ABCE1: variants seen among roughly 807,000 people sequenced by gnomAD.
ABCE1 encodes ATP binding cassette subfamily E member 1.
Under a neutral mutation model 83.4 loss-of-function variants are expected in ABCE1, and 22 were observed. The observed-to-expected ratio is 0.26, with a 90% confidence interval of 0.19 to 0.38. The LOEUF (loss-of-function observed/expected upper bound fraction) is 0.38. ABCE1 is among the 10% of genes least tolerant of loss of function. ABCE1 has a pLI of 1.00. For synonymous variants in ABCE1, 204 were observed against 233.7 expected (o/e 0.87, Z 1.16); for missense variants, 330 against 721.9 (o/e 0.46, Z 6.22).
At chr4:145,119,475 T>C (rs757902532) in intron 10 of ABCE1, among the ~76,000 whole-genome samples, 2 of 151,970 alleles carry the variant, frequency 1.3e-5, no homozygotes, top group Non-Finnish European at 2.9e-5. Flanking sequence ...GATTAATTTT[T>C]TTAAAGCAAT....
chr4:145,110,368 G>T lies in ABCE1; in HGVS notation c.544-7G>T. 1 of 1,612,026 alleles carries T rather than the reference G, an allele frequency of 6.2e-7. No homozygotes were observed. The highest frequency in any genetic ancestry group is 8.5e-7 in the Non-Finnish European group (1 of 1,179,554). On this transcript the variant is annotated splice_polypyrimidine_tract_variant and splice_region_variant and intron_variant, in intron 6 of 17. Transcript: ENST00000296577. ...AAATAGTAACTGTTTTTGGTATATT[G>T]TGGCAGGGGACAGTGGGATCTATTT...
At chr4:145,121,452 C>T in intron 13 of ABCE1, 61 bp downstream of exon 13, 2 of 1,228,082 alleles carry the variant, frequency 1.6e-6, no homozygotes, top group Non-Finnish European at 2.3e-6. Flanking sequence ...CTATAGCTTT[C>T]ATCTTTTACT....
intron 8 of ABCE1, 122 bp from the exon 9 acceptor site, chr4:145,112,116 AT>A (rs1187848135): frequency 1.6e-6 from 1 of 636,206 alleles, no homozygotes; most frequent in Admixed American, 3.3e-5. Flanking sequence ...CTTCATTACT[AT>A]TGGAGATTTG....
chr4:145,117,019 T>A (rs571481724), intron 9 of ABCE1, among the ~76,000 whole-genome samples: 1 of 152,052 alleles, frequency 6.6e-6, no homozygotes, highest in East Asian at 1.9e-4. Context: ...TATAATTACT[T>A]TGTAACACTT....
intron 1 of ABCE1, among the ~76,000 whole-genome samples, chr4:145,104,162 T>G (rs1443326537): frequency 1.3e-5 from 2 of 152,136 alleles, no homozygotes; most frequent in Non-Finnish European, 2.9e-5. Flanking sequence ...TTTCTTTCCT[T>G]ATATAAATCT....
intron 1 of ABCE1, among the ~76,000 whole-genome samples, chr4:145,103,010 AAG>A (rs1373177343): frequency 2.0e-5 from 3 of 152,138 alleles, no homozygotes; most frequent in African/African-American, 7.2e-5. Context: ...GGAGTTGTAA[AAG>A]AGTGTGTGAA....
chr4:145,102,695 G>C (rs763373859), intron 1 of ABCE1, among the ~76,000 whole-genome samples: 1 of 152,124 alleles, frequency 6.6e-6, no homozygotes, highest in Non-Finnish European at 1.5e-5. Flanking sequence ...ACCAAGAGCT[G>C]AGGGACAGTG....
At position 145,128,313 on chromosome 4, in the gene ABCE1, A is replaced by G. The variant is rs1282712946; in HGVS notation, c.*740A>G. 1 of 152,572 alleles carries G rather than the reference A, an allele frequency of 6.6e-6. No homozygotes were observed. The highest frequency in any genetic ancestry group is 1.5e-5 in the Non-Finnish European group (1 of 68,020). 9.5% of individuals were successfully genotyped at this position (152,572 alleles called of 1,614,324 possible). Reference sequence around the variant, plus strand: ...TCTAGGTAATGTCATTTTTGTACACATATATTTATATAATCACTGATTGAG... The same window carrying G: ...TCTAGGTAATGTCATTTTTGTACACGTATATTTATATAATCACTGATTGAG... On this transcript the variant is annotated 3_prime_UTR_variant, in exon 18 of 18. Coordinates refer to ENST00000296577, the MANE Select transcript of ABCE1 (RefSeq NM_002940.3).
At chr4:145,105,044 GCATAGAATTACTGACT>G (rs769596216) in intron 2 of ABCE1, among the ~76,000 whole-genome samples, 8 of 151,982 alleles carry the variant, frequency 5.3e-5, no homozygotes, top group Non-Finnish European at 1.0e-4. Flanking sequence ...TACGAATGAG[GCATAGAATTACTGACT>G]CTTAGAATTA....
chr4:145,110,543 T>C, intron 7 of ABCE1, 99 bp downstream of exon 7: 4 of 1,145,282 alleles, frequency 3.5e-6, no homozygotes, highest in African/African-American at 1.6e-5. Context: ...TGATGCAACC[T>C]CTGCTTACCA....
chr4:145,111,402 C>A (rs989969438), intron 8 of ABCE1, among the ~76,000 whole-genome samples: 1 of 152,224 alleles, frequency 6.6e-6, no homozygotes, highest in Non-Finnish European at 1.5e-5. Flanking sequence ...TGGCTCACTA[C>A]AAGCTCCACC....
At chr4:145,124,743 G>C (rs1024625137) in intron 16 of ABCE1, among the ~76,000 whole-genome samples, 2 of 151,974 alleles carry the variant, frequency 1.3e-5, no homozygotes, top group Non-Finnish European at 2.9e-5. Context: ...TCTTTCACCA[G>C]ATTAGAAATC....
intron 6 of ABCE1, 43 bp from the exon 7 acceptor site, chr4:145,110,332 A>G: frequency 6.2e-7 from 1 of 1,601,084 alleles, no homozygotes; most frequent in Non-Finnish European, 8.5e-7. Context: ...ATTCTTTTTA[A>G]TATTGAAAGA....
chr4:145,100,930 A>G (rs1749134275), intron 1 of ABCE1, among the ~76,000 whole-genome samples: 1 of 152,190 alleles, frequency 6.6e-6, no homozygotes, highest in Non-Finnish European at 1.5e-5. Context: ...AGCCACTGGA[A>G]TGAACAAAAA....
chr4:145,103,253 AT>A (rs901867647), intron 1 of ABCE1, among the ~76,000 whole-genome samples: 9 of 152,202 alleles, frequency 5.9e-5, no homozygotes, highest in African/African-American at 1.4e-4. Context: ...ATTAAAAAAA[AT>A]AAAATAAAAT....
chr4:145,119,877 G>A, intron 10 of ABCE1, 55 bp from the exon 11 acceptor site: 2 of 1,327,018 alleles, frequency 1.5e-6, no homozygotes, highest in Non-Finnish European at 2.1e-6. Context: ...TCCCAAGAGA[G>A]CTTAGGATTT....
chr4:145,110,416 G>C lies in ABCE1; in HGVS notation c.585G>C (p.Lys195Asn). 5 of 1,612,174 alleles carry C rather than the reference G, an allele frequency of 3.1e-6. No homozygotes were observed. The highest frequency in any genetic ancestry group is 2.5e-6 in the Non-Finnish European group (3 of 1,179,926). The change falls in exon 7 of 18, where the codon AAG (lysine) becomes AAC (asparagine). Residue 195 changes from lysine to asparagine, a missense_variant. Lys to Asn is a moderately conservative substitution (Grantham distance 94). Coordinates refer to ENST00000296577, the MANE Select transcript of ABCE1 (RefSeq NM_002940.3). ...GSILDRKDET[K>N]TQAIVCQQLD... is the part of the protein sequence containing the mutation. ...TTTTGGACCGAAAAGATGAAACAAA[G>C]ACACAGGCAATTGTATGTCAGCAGC... is the stretch of plus-strand genomic sequence containing the variant.
At chr4:145,104,310 T>C (rs1271832878) in intron 1 of ABCE1, 76 bp from the exon 2 acceptor site, 1 of 534,326 alleles carries the variant, frequency 1.9e-6, no homozygotes, top group African/African-American at 2.0e-5. Context: ...TGATCATTTA[T>C]GTTTTCCTGT....
chr4:145,117,274 A>C lies in ABCE1; in HGVS notation c.801-19A>C. ...ATAGTTATGTAAGAGTTTTAACTAA[A>C]ATCTGGTTTGATTTTCAGATATATC... On this transcript the variant is annotated intron_variant, in intron 9 of 17. Transcript: ENST00000296577. 1 of 1,587,510 alleles carries C rather than the reference A, an allele frequency of 6.3e-7. No individual in the cohort carries two copies. Among genetic ancestry groups the C allele is most frequent in the Non-Finnish European group, 8.6e-7 (1 of 1,166,612 alleles).
Sources: allele counts gnomAD v4.1 joint callset (sites outside exome capture counted in the v4.1 genomes callset), GRCh38; gene constraint gnomAD v4.1.1; transcripts MANE v1.5; gene names NCBI Gene and HGNC (gene_info 2026-07-23, HGNC 2026-07-21).